The following FYB2 variants were observed in gnomAD, a reference collection of about 807,000 sequenced individuals.
The protein encoded by FYB2 is FYN-binding protein 2.
Under a neutral mutation model 94.1 loss-of-function variants are expected in FYB2, and 103 were observed. That is an observed-to-expected ratio of 1.09 (90% CI 0.93 to 1.29). The LOEUF is 1.29. FYB2 is among the 50% of genes most tolerant of loss of function. The probability of loss-of-function intolerance (pLI) is 0.00; values close to 1 mark genes in which losing one functional copy is unlikely to be tolerated. For missense variants in FYB2, 896 were observed against 841.5 expected, an observed-to-expected ratio of 1.06 and a Z score of -0.80; for synonymous variants, 293 against 287.9, an observed-to-expected ratio of 1.02 and a Z score of -0.18.
At chr1:56,729,958 T>A (rs929449643) in intron 15 of FYB2, among the ~76,000 whole-genome samples, 2 of 151,936 alleles carry the variant, frequency 1.3e-5, no homozygotes, top group African/African-American at 2.4e-5. Context: ...AAATTAAGGA[T>A]AATACTTAAA....
Position 56,767,871 on chromosome 1 carries a change from C to A in FYB2, c.1021G>T (p.Gly341Cys), listed in dbSNP as rs1222423447. The change falls in exon 5 of 20, where the codon GGC (glycine) becomes TGC (cysteine). Residue 341 changes from glycine (G) to cysteine (C), a missense_variant. Coordinates refer to ENST00000343433, the MANE Select transcript of FYB2 (RefSeq NM_001004303.5). The part of the protein sequence containing the change: ...EATISYLRHS[G>C]NSINLCTAKE... ...GCAGTGCACAGGTTAATGGAGTTGC[C>A]AGAGTGTCTCAGATATGAAATTGTT... 4 of 1,612,232 alleles carry A rather than the reference C, an allele frequency of 2.5e-6. No homozygotes were observed. Among genetic ancestry groups the A allele is most frequent in the Non-Finnish European group, 3.4e-6 (4 of 1,179,302 alleles).
intron 2 of FYB2, among the ~76,000 whole-genome samples, chr1:56,790,531 C>T (rs112822515): frequency 6.6e-6 from 1 of 152,172 alleles, no homozygotes; most frequent in African/African-American, 2.4e-5. Flanking sequence ...TCTCATCCAT[C>T]TTTCTTCCCA....
intron 1 of FYB2, among the ~76,000 whole-genome samples, chr1:56,803,662 T>G (rs561094203): frequency 6.6e-6 from 1 of 152,316 alleles, no homozygotes; most frequent in East Asian, 1.9e-4. Context: ...ATCTATCAGT[T>G]AAAGTGCTAA....
intron 15 of FYB2, among the ~76,000 whole-genome samples, chr1:56,727,488 C>A (rs1296219302): frequency 6.6e-6 from 1 of 151,478 alleles, no homozygotes; most frequent in Non-Finnish European, 1.5e-5. Flanking sequence ...TATACACATA[C>A]AATGGAATAC....
At chr1:56,724,146 A>G (rs1426225058) in intron 16 of FYB2, among the ~76,000 whole-genome samples, 1 of 151,954 alleles carries the variant, frequency 6.6e-6, no homozygotes, top group African/African-American at 2.4e-5. Context: ...ATAAGTAAGC[A>G]GCTTACTTTG....
intron 1 of FYB2, among the ~76,000 whole-genome samples, chr1:56,795,606 G>A (rs767505784): frequency 2.0e-5 from 3 of 151,372 alleles, no homozygotes; most frequent in Non-Finnish European, 4.4e-5. Context: ...ACAGTGTACA[G>A]GGGTTCCAAT....
At position 56,719,455 on chromosome 1, in the gene FYB2, G is replaced by GAAAT. The variant is rs1431428472; in HGVS notation, c.*212_*215dup. ...TTGAACTGACAGTGAAGTAGATACT[G>GAAAT]AAATAGACATTGAAAGATAACCTTT... is the stretch of plus-strand genomic sequence containing the variant. On this transcript the variant is annotated 3_prime_UTR_variant, in exon 20 of 20. Coordinates refer to ENST00000343433, the MANE Select transcript of FYB2 (RefSeq NM_001004303.5). 7 of 509,164 alleles carry GAAAT rather than the reference G, an allele frequency of 1.4e-5. No homozygotes were observed. The highest frequency in any genetic ancestry group is 2.4e-5 in the Non-Finnish European group (7 of 289,030). The allele number at this position is 509,164 out of a possible 1,614,324, so 31.5% of individuals were successfully genotyped here.
At chr1:56,738,604 C>T in intron 14 of FYB2, 21 bp downstream of exon 14, 1 of 1,604,446 alleles carries the variant, frequency 6.2e-7, no homozygotes, top group Non-Finnish European at 8.5e-7. Flanking sequence ...TTTTGGTCTG[C>T]AATAAGCAAA....
intron 2 of FYB2, among the ~76,000 whole-genome samples, chr1:56,790,708 A>T (rs1443464036): frequency 6.6e-6 from 1 of 152,234 alleles, no homozygotes; most frequent in Non-Finnish European, 1.5e-5. Context: ...GAGACTGATG[A>T]TAAACAAGTA....
intron 1 of FYB2, among the ~76,000 whole-genome samples, chr1:56,796,334 TG>T (rs1459130672): frequency 6.6e-6 from 1 of 152,068 alleles, no homozygotes; most frequent in African/African-American, 2.4e-5. Flanking sequence ...GTTTGGGAGG[TG>T]GCCATAGGGT....
chr1:56,805,004 C>T (rs1255726824), intron 1 of FYB2, among the ~76,000 whole-genome samples: 1 of 152,162 alleles, frequency 6.6e-6, no homozygotes, highest in African/African-American at 2.4e-5. Flanking sequence ...TCCTGCTTTT[C>T]TTTGCCTGGC....
intron 7 of FYB2, among the ~76,000 whole-genome samples, chr1:56,754,200 G>A (rs890758441): frequency 9.2e-5 from 14 of 151,990 alleles, no homozygotes; most frequent in South Asian, 6.2e-4. Context: ...AAGTTTCATC[G>A]TGATCTGGCT....
upstream of FYB2, among the ~76,000 whole-genome samples, chr1:56,819,951 G>A (rs1051237041): frequency 2.0e-5 from 3 of 152,134 alleles, no homozygotes; most frequent in Admixed American, 1.3e-4. Flanking sequence ...AGAATGGCCG[G>A]GTGCAGTGGC....
At chr1:56,798,208 G>C (rs527965287) in intron 1 of FYB2, among the ~76,000 whole-genome samples, 4 of 152,326 alleles carry the variant, frequency 2.6e-5, no homozygotes, top group African/African-American at 9.6e-5. Flanking sequence ...TGTGAAAGCA[G>C]ATTAGAATGC....
At chr1:56,757,125 AAAT>A (rs1645352345) in intron 6 of FYB2, among the ~76,000 whole-genome samples, 1 of 152,166 alleles carries the variant, frequency 6.6e-6, no homozygotes, top group African/African-American at 2.4e-5. Context: ...TAAAAATTAA[AAAT>A]AATTGTATGT....
intron 19 of FYB2, 73 bp downstream of exon 19, chr1:56,719,946 AGTC>A: frequency 7.2e-7 from 1 of 1,390,992 alleles, no homozygotes; most frequent in Non-Finnish European, 9.9e-7. Flanking sequence ...TAAATTCAGT[AGTC>A]TTCTCTTGAG....
chr1:56,812,860 A>C (rs1421472545), intron 1 of FYB2, among the ~76,000 whole-genome samples: 1 of 152,198 alleles, frequency 6.6e-6, no homozygotes, highest in Admixed American at 6.5e-5. Context: ...CTCTCATTTT[A>C]TTTGCTGATA....
chr1:56,744,049 G>T lies in FYB2; in HGVS notation c.1520C>A (p.Ser507Tyr). The T allele has an allele frequency of 6.2e-7, 1 of 1,612,536 alleles. No homozygotes were observed. The change falls in exon 11 of 20, where the codon TCT becomes TAT. Residue 507 changes from serine (S) to tyrosine (Y), a missense_variant. By Grantham distance (144) the Ser-to-Tyr change is moderately radical. Coordinates refer to ENST00000343433, the MANE Select transcript of FYB2 (RefSeq NM_001004303.5). ...SRKEVPKLNY[S>Y]SSLASSSEEN... The stretch of plus-strand genomic sequence containing the variant: ...ACCACTACTTGAGGCAAGTGAGCTA[G>T]AGTAGTTCAGCTTCGGTCTATGGGA...
At position 56,720,258 on chromosome 1, in the gene FYB2, A is replaced by G. The variant is rs375205859; in HGVS notation, c.2046T>C (p.Asp682=). The part of the protein sequence containing the change: ...CSNNSRNGIF[D]LPISPGEELE... ...ATTCTTCTCCAGGACTTATTGGCAAATCAAATATTCCATTTCTTGAATTAT... is the reference window on the plus strand; with the variant it reads ...ATTCTTCTCCAGGACTTATTGGCAAGTCAAATATTCCATTTCTTGAATTAT... The change falls in exon 18 of 20, where the codon GAT becomes GAC. Residue 682 remains aspartate (D), a synonymous_variant. Coordinates refer to ENST00000343433, the MANE Select transcript of FYB2 (RefSeq NM_001004303.5). 2.5e-6 allele frequency: 4 copies of G among 1,612,164 alleles called. No individual in the cohort carries two copies. Among genetic ancestry groups the G allele is most frequent in the Admixed American group, 1.7e-5 (1 of 59,880 alleles).
Sources: gnomAD v4.1 joint callset for allele counts (sites outside exome capture counted in the v4.1 genomes callset) on GRCh38, gnomAD v4.1.1 for gene constraint, MANE v1.5 for transcripts, NCBI Gene and HGNC (gene_info 2026-07-23, HGNC 2026-07-21) for gene names.